The following UGT2B15 variants were observed in gnomAD, a reference collection of about 807,000 sequenced individuals.
The protein encoded by UGT2B15 is UDP-glucuronosyltransferase 2B15.
UGT2B15 carries 36 observed loss-of-function variants against 45.9 expected under a neutral mutation model. The ratio of observed to expected loss-of-function variants is 0.78; its 90% confidence interval spans 0.60 to 1.04. The LOEUF is 1.04. Ranked by LOEUF, UGT2B15 falls within the 50% of genes least tolerant of loss-of-function variation. The pLI is 0.00. For synonymous variants in UGT2B15, 219 were observed against 216.4 expected, an observed-to-expected ratio of 1.01 and a Z score of -0.11; for missense variants, 617 against 622.4, an observed-to-expected ratio of 0.99 and a Z score of 0.09.
At chr4:68,654,319 G>A (rs1386800147) in intron 4 of UGT2B15, 63 bp from the exon 5 acceptor site, 1 of 1,553,438 alleles carries the variant, frequency 6.4e-7, no homozygotes, top group African/African-American at 1.4e-5. Flanking sequence ...AATAAGAAAT[G>A]CACAATATAA....
At chr4:68,661,538 T>C (rs1732966946) in intron 3 of UGT2B15, among the ~76,000 whole-genome samples, 1 of 152,028 alleles carries the variant, frequency 6.6e-6, no homozygotes. Context: ...ATTTATTAAT[T>C]TTTGAGTGAT....
At chr4:68,654,992 G>A in intron 4 of UGT2B15, 103 bp downstream of exon 4, 1 of 1,400,022 alleles carries the variant, frequency 7.1e-7, no homozygotes, top group Admixed American at 2.0e-5. Flanking sequence ...TTGTTTTTTA[G>A]TTTTCCAATA....
rs1733271042 is a variant in UGT2B15 at position 68,670,307 on chromosome 4, A to G, written c.312T>C (p.Asn104=). 1 of 1,614,050 alleles carries G rather than the reference A, an allele frequency of 6.2e-7. No homozygotes were observed. Among genetic ancestry groups the G allele is most frequent in the South Asian group, 1.1e-5 (1 of 91,072 alleles). The change falls in exon 1 of 6, where the codon AAT becomes AAC. Residue 104 remains asparagine, a synonymous_variant. Coordinates refer to ENST00000338206, the MANE Select transcript of UGT2B15 (RefSeq NM_001076.4). The part of the protein sequence containing the change: ...LDRWIYGVSK[N]TFWSYFSQLQ... Reference sequence around the variant, plus strand: ...ATTGTGAAAAATATGACCAAAATGTATTTTTTGAAACACCATATATCCATC... The same window carrying G: ...ATTGTGAAAAATATGACCAAAATGTGTTTTTTGAAACACCATATATCCATC...
At chr4:68,652,597 T>C (rs1180937071) in intron 5 of UGT2B15, among the ~76,000 whole-genome samples, 1 of 151,752 alleles carries the variant, frequency 6.6e-6, no homozygotes, top group Non-Finnish European at 1.5e-5. Flanking sequence ...GAATTGATGG[T>C]AGCTGGTCTA....
chr4:68,664,512 T>C (rs1324710062), intron 2 of UGT2B15, among the ~76,000 whole-genome samples: 3 of 152,058 alleles, frequency 2.0e-5, no homozygotes, highest in Admixed American at 2.0e-4. Context: ...CTAAAATATG[T>C]CAATTCAGAC....
At chr4:68,667,068 C>T (rs1733152797) in intron 2 of UGT2B15, among the ~76,000 whole-genome samples, 1 of 151,770 alleles carries the variant, frequency 6.6e-6, no homozygotes, top group African/African-American at 2.4e-5. Context: ...TTTACTCAAC[C>T]TTTTCCTGTA....
At position 68,655,160 on chromosome 4, in the gene UGT2B15, T is replaced by C; in HGVS notation, c.1028A>G (p.Lys343Arg). The C allele has an allele frequency of 6.2e-7, 1 of 1,613,416 alleles. No homozygotes were observed. The highest frequency in any genetic ancestry group is 1.3e-5 in the African/African-American group (1 of 74,998). Residue 343 changes from lysine to arginine, a missense_variant, in exon 4 of 6, where the codon AAG becomes AGG. Physicochemically the swap from Lys to Arg is conservative, Grantham distance 26 (BLOSUM62 2). This residue lies in a region of UGT2B15 where 265 missense variants were observed against 245.1 expected (regional missense o/e 1.08). Transcript: ENST00000338206. Reference sequence around the variant, plus strand: ...ATTGGAACCTAAAGTATTTGGCTTCTTGCCATCAAATCTCCATAGAACCTG... The same window carrying C: ...ATTGGAACCTAAAGTATTTGGCTTCCTGCCATCAAATCTCCATAGAACCTG... Reference protein sequence around the residue: ...PQKVLWRFDGKKPNTLGSNTR... With the variant: ...PQKVLWRFDGRKPNTLGSNTR...
At position 68,669,904 on chromosome 4, in the gene UGT2B15, C is replaced by T. The variant is rs1733249905; in HGVS notation, c.715G>A (p.Glu239Lys). ...TAGACACATGACTTACCTAGAACTT[C>T]ACTATAAAACTGGTCCCACTTCTTC... ...DLKKWDQFYS[E>K]VLGRPTTLFE... Residue 239 changes from glutamate (E) to lysine (K), a missense_variant, in exon 1 of 6, where the codon GAA becomes AAA. Glu to Lys is a moderately conservative substitution (Grantham distance 56). Around this residue, in one of 3 missense-constraint regions of UGT2B15, gnomAD observed 351 missense variants for 342.1 expected, o/e 1.03. Transcript: ENST00000338206. 1.9e-6 allele frequency: 3 copies of T among 1,606,856 alleles called. No individual in the cohort carries two copies. The highest frequency in any genetic ancestry group is 4.5e-5 in the East Asian group (2 of 44,832).
At chr4:68,649,840 T>C (rs1406463263) in intron 5 of UGT2B15, among the ~76,000 whole-genome samples, 1 of 151,784 alleles carries the variant, frequency 6.6e-6, no homozygotes, top group African/African-American at 2.4e-5. Context: ...GTTTTTTTGC[T>C]TTTTTGTTTT....
chr4:68,654,187 C>A lies in UGT2B15; in HGVS notation c.1163G>T (p.Gly388Val). The A allele has an allele frequency of 6.2e-7, 1 of 1,613,506 alleles. No individual in the cohort carries two copies. The stretch of plus-strand genomic sequence containing the variant: ...CAAGGGAATGCCCACCATAGGGATC[C>A]CATGGTAGATCGCCTCATAGATGCC... ...TNGIYEAIYH[G>V]IPMVGIPLFA... Residue 388 changes from glycine to valine, a missense_variant, in exon 5 of 6, where the codon GGG (glycine) becomes GTG (valine). Physicochemically the swap from Gly to Val is moderately radical, Grantham distance 109. This residue lies in a region of UGT2B15 where 265 missense variants were observed against 245.1 expected (regional missense o/e 1.08). Transcript: ENST00000338206.
Position 68,669,926 on chromosome 4 carries a change from C to T in UGT2B15, c.693G>A (p.Lys231=), listed in dbSNP as rs776186090. The change falls in exon 1 of 6, where the codon AAG becomes AAA. Residue 231 remains lysine, a synonymous_variant. Transcript: ENST00000338206. ...CTTCACTATAAAACTGGTCCCACTTCTTCAGATCATAAATTTGAAACCAAA... is the reference window on the plus strand; with the variant it reads ...CTTCACTATAAAACTGGTCCCACTTTTTCAGATCATAAATTTGAAACCAAA... ...FDFWFQIYDL[K]KWDQFYSEVL... 8 of 1,612,952 alleles carry T rather than the reference C, an allele frequency of 5.0e-6. No homozygotes were observed. The highest frequency in any genetic ancestry group is 6.8e-6 in the Non-Finnish European group (8 of 1,179,732).
chr4:68,647,528 T>G (rs1410618244), intron 5 of UGT2B15, 145 bp from the exon 6 acceptor site: 7 of 1,083,662 alleles, frequency 6.5e-6, no homozygotes, highest in Non-Finnish European at 8.9e-6. Flanking sequence ...ATGTTTTAAT[T>G]CATGTCATTA....
At chr4:68,655,034 A>G (rs1246050710) in intron 4 of UGT2B15, 61 bp downstream of exon 4, 1 of 1,547,030 alleles carries the variant, frequency 6.5e-7, no homozygotes, top group South Asian at 1.1e-5. Context: ...TTTATGTTGA[A>G]CTATTATCAC....
chr4:68,647,506 C>T, intron 5 of UGT2B15, 123 bp from the exon 6 acceptor site: 1 of 1,176,838 alleles, frequency 8.5e-7, no homozygotes, highest in Non-Finnish European at 1.1e-6. Flanking sequence ...ACTGAATTGG[C>T]ATGAAATTTC....
chr4:68,648,248 T>A (rs1296068562), intron 5 of UGT2B15, among the ~76,000 whole-genome samples: 1 of 152,138 alleles, frequency 6.6e-6, no homozygotes, highest in Non-Finnish European at 1.5e-5. Flanking sequence ...TAGAGAACTC[T>A]ACACAGGCAC....
intron 2 of UGT2B15, among the ~76,000 whole-genome samples, chr4:68,667,822 C>G (rs1305962196): frequency 6.6e-6 from 1 of 152,024 alleles, no homozygotes; most frequent in Non-Finnish European, 1.5e-5. Context: ...TTTAACCAAC[C>G]CTGTTTTCAA....
intron 2 of UGT2B15, among the ~76,000 whole-genome samples, chr4:68,665,387 G>A (rs1190871557): frequency 6.6e-6 from 1 of 151,852 alleles, no homozygotes; most frequent in African/African-American, 2.4e-5. Context: ...ATTAAACATT[G>A]TTTTGAAAAA....
In UGT2B15 at chr4:68,647,986, T is replaced by C. The variant is rs924311316; in HGVS notation, c.1314-603A>G. ...ATTCTCCTGCCTCTGCCTCCCAAAG[T>C]GTTGGCCCTACAGACATGAACCACT... On this transcript the variant is annotated intron_variant, in intron 5 of 5. Coordinates refer to ENST00000338206, the MANE Select transcript of UGT2B15 (RefSeq NM_001076.4). Among the ~76,000 whole-genome samples, 72 of 152,040 alleles carry C rather than the reference T, an allele frequency of 4.7e-4. 1 individual carries two copies. The highest frequency in any genetic ancestry group is 1.5e-3 in the African/African-American group (64 of 41,400).
At chr4:68,657,597 GAC>G (rs994522905) in intron 3 of UGT2B15, among the ~76,000 whole-genome samples, 3 of 152,096 alleles carry the variant, frequency 2.0e-5, no homozygotes, top group African/African-American at 7.2e-5. Context: ...TAGGTTTTAT[GAC>G]ACCTCTACTT....
Sources: gnomAD v4.1 joint callset for allele counts (sites outside exome capture counted in the v4.1 genomes callset) on GRCh38, gnomAD v4.1.1 for gene constraint, gnomAD v4.1.1 regional missense constraint, MANE v1.5 for transcripts, NCBI Gene and HGNC (gene_info 2026-07-23, HGNC 2026-07-21) for gene names.